The following TTL variants were observed in gnomAD, a reference collection of about 807,000 sequenced individuals.
The protein encoded by TTL is tubulin tyrosine ligase.
A neutral mutation model predicts 41.1 loss-of-function variants in TTL; 10 were observed. The ratio of observed to expected loss-of-function variants is 0.24; its 90% CI spans 0.15 to 0.41. The LOEUF is 0.41. Ranked by LOEUF, TTL falls within the 10% of genes least tolerant of loss-of-function variation. The pLI, the probability that TTL is intolerant of heterozygous loss-of-function variation, is 1.00. For missense variants in TTL, 367 were observed against 460.4 expected (o/e 0.80, Z 1.86); for synonymous variants, 175 against 175.5 (o/e 1.00, Z 0.02).
Position 112,482,327 on chromosome 2 carries a change from G to C in TTL, c.-18G>C. ...CCTGCGGCGGCTGCCCGGCGGCCCGGGCGCGCGGCGCTTCGCCATGTACAC... is the reference window on the plus strand; with the variant it reads ...CCTGCGGCGGCTGCCCGGCGGCCCGCGCGCGCGGCGCTTCGCCATGTACAC... On this transcript the variant is annotated 5_prime_UTR_variant, in exon 1 of 7. Coordinates refer to ENST00000233336, the MANE Select transcript of TTL (RefSeq NM_153712.5). The surrounding 1 kb of genome is among the most constrained non-coding windows in gnomAD (Gnocchi z 5.3). 1 of 1,488,630 alleles carries C rather than the reference G, an allele frequency of 6.7e-7. No homozygotes were observed. The highest frequency in any genetic ancestry group is 9.0e-7 in the Non-Finnish European group (1 of 1,114,680). The allele number at this position is 1,488,630 out of a possible 1,614,324, so 92.2% of individuals were successfully genotyped here. A position where few individuals can be genotyped will look rare whatever the true frequency, so the allele number is the denominator to read the frequency against.
rs1223571719 is a variant in TTL, at chr2:112,482,450, A to G, written c.106A>G (p.Arg36Gly). ...HWKRLRRDNP[R>G]FNLMLGERNR... ...GAAGAGGCTGCGGCGAGACAACCCC[A>G]GATTCAACCTGATGCTGGGAGAGAG... The change falls in exon 1 of 7, where the codon AGA becomes GGA. Residue 36 changes from arginine to glycine, a missense_variant. Coordinates refer to ENST00000233336, the MANE Select transcript of TTL (RefSeq NM_153712.5). The surrounding 1 kb of genome is among the most constrained non-coding windows in gnomAD (Gnocchi z 5.3). The G allele has an allele frequency of 6.2e-7, 1 of 1,611,216 alleles. No individual in the cohort carries two copies. Among genetic ancestry groups the G allele is most frequent in the South Asian group, 1.1e-5 (1 of 90,724 alleles).
intron 6 of TTL, chr2:112,521,463 C>A: frequency 1.6e-6 from 1 of 639,060 alleles, no homozygotes; most frequent in Non-Finnish European, 1.9e-6. Flanking sequence ...TTTCGTGGTT[C>A]CCATCTACAT....
Position 112,534,501 on chromosome 2 carries a change from T to G in TTL, c.*5706T>G, listed in dbSNP as rs1182952933. 1 of 152,696 alleles carries G rather than the reference T, an allele frequency of 6.5e-6. No individual in the cohort carries two copies. Among genetic ancestry groups the G allele is most frequent in the Non-Finnish European group, 1.5e-5 (1 of 68,030 alleles). 9.5% of individuals were successfully genotyped at this position (152,696 alleles called of 1,614,324 possible). A position where few individuals can be genotyped will look rare whatever the true frequency, so the allele number is the denominator to read the frequency against. ...GCCACCGTAGGGCTCAGAAGGGGATTGGAACTCCTCCAAAGCTTCATTACC... is the reference window on the plus strand; with the variant it reads ...GCCACCGTAGGGCTCAGAAGGGGATGGGAACTCCTCCAAAGCTTCATTACC... On this transcript the variant is annotated 3_prime_UTR_variant, in exon 7 of 7. Transcript: ENST00000233336.
chr2:112,513,615 A>G (rs1008579797), intron 5 of TTL, among the ~76,000 whole-genome samples: 6 of 149,390 alleles, frequency 4.0e-5, no homozygotes, highest in Non-Finnish European at 7.4e-5. Context: ...AAGTATAAGT[A>G]TAAATATTTA....
At chr2:112,493,635 A>C (rs534711415) in intron 2 of TTL, among the ~76,000 whole-genome samples, 19 of 152,274 alleles carry the variant, frequency 1.2e-4, no homozygotes, top group African/African-American at 4.6e-4. Context: ...CCGTTAGAAA[A>C]ATACCTTTTT....
chr2:112,529,968 A>G lies in TTL; in HGVS notation c.*1173A>G, dbSNP rs925759943. On this transcript the variant is annotated 3_prime_UTR_variant, in exon 7 of 7. Transcript: ENST00000233336. The stretch of plus-strand genomic sequence containing the variant: ...CGCTTACTGGATTAACTAATACTTT[A>G]TAGGCTTTTCAGGAGGCCACATCAC... 4.4e-6 allele frequency: 1 copy of G among 227,876 alleles called. No individual in the cohort carries two copies. The highest frequency in any genetic ancestry group is 2.2e-5 in the African/African-American group (1 of 45,172). The allele number at this position is 227,876 out of a possible 1,614,324, so 14.1% of individuals were successfully genotyped here. A position where few individuals can be genotyped will look rare whatever the true frequency, so the allele number is the denominator to read the frequency against.
At chr2:112,523,708 T>C (rs1682301498) in intron 6 of TTL, among the ~76,000 whole-genome samples, 1 of 152,192 alleles carries the variant, frequency 6.6e-6, no homozygotes. Context: ...AAGTATTTGC[T>C]GAGGGAATGC....
intron 3 of TTL, among the ~76,000 whole-genome samples, chr2:112,495,622 C>T (rs746608926): frequency 1.7e-4 from 26 of 152,236 alleles, no homozygotes; most frequent in Non-Finnish European, 3.2e-4. Flanking sequence ...CCGAGGCGGG[C>T]GGATCACAAG....
rs1682652091 is a variant in TTL at position 112,538,888 on chromosome 2, CG to C, written c.*10096del. The C allele has an allele frequency of 6.6e-6, 1 of 152,146 alleles. No homozygotes were observed. The highest frequency in any genetic ancestry group is 2.4e-5 in the African/African-American group (1 of 41,352). 9.4% of individuals were successfully genotyped at this position (152,146 alleles called of 1,614,324 possible). A position where few individuals can be genotyped will look rare whatever the true frequency, so the allele number is the denominator to read the frequency against. On this transcript the variant is annotated 3_prime_UTR_variant, in exon 7 of 7. Transcript: ENST00000233336. ...ATCCCAGCACTTTGGGAGGCCAAGGCGGGCGGATCATGAGGTCCGGAGATCA... is the reference window on the plus strand; with the variant it reads ...ATCCCAGCACTTTGGGAGGCCAAGGCGGCGGATCATGAGGTCCGGAGATCA...
intron 6 of TTL, among the ~76,000 whole-genome samples, chr2:112,528,301 AC>A (rs1682414728): frequency 6.6e-6 from 1 of 152,122 alleles, no homozygotes; most frequent in Non-Finnish European, 1.5e-5. Context: ...TTGGTAAAAA[AC>A]AAAAACAAGA....
chr2:112,530,493 CGA>C lies in TTL; in HGVS notation c.*1699_*1700del, dbSNP rs1682480484. 1 of 228,010 alleles carries C rather than the reference CGA, an allele frequency of 4.4e-6. No individual in the cohort carries two copies. The highest frequency in any genetic ancestry group is 8.7e-6 in the Non-Finnish European group (1 of 114,962). The allele number at this position is 228,010 out of a possible 1,614,324, so 14.1% of individuals were successfully genotyped here. A position where few individuals can be genotyped will look rare whatever the true frequency, so the allele number is the denominator to read the frequency against. ...ATTAATCCTTGAGGCCCAACGCAGC[CGA>C]TGGGTTGGTGTTTGGGAAATTCTGA... is the stretch of plus-strand genomic sequence containing the variant. On this transcript the variant is annotated 3_prime_UTR_variant, in exon 7 of 7. Coordinates refer to ENST00000233336, the MANE Select transcript of TTL (RefSeq NM_153712.5).
intron 1 of TTL, among the ~76,000 whole-genome samples, chr2:112,485,242 G>T (rs975745620): frequency 1.3e-5 from 2 of 152,172 alleles, no homozygotes; most frequent in African/African-American, 2.4e-5. Flanking sequence ...GAGCCACTGT[G>T]TCTGGCTGAA....
chr2:112,491,813 A>G (rs1446646686), intron 2 of TTL, among the ~76,000 whole-genome samples: 2 of 152,146 alleles, frequency 1.3e-5, no homozygotes, highest in African/African-American at 2.4e-5. Flanking sequence ...CTTTTACCAT[A>G]GCCTATTGCA....
chr2:112,527,051 T>TAA (rs767884335), intron 6 of TTL, among the ~76,000 whole-genome samples: 3 of 152,242 alleles, frequency 2.0e-5, no homozygotes, highest in Non-Finnish European at 2.9e-5. Context: ...ATGTACCCAG[T>TAA]AGTTATTCAG....
At chr2:112,521,042 C>T (rs1043166293) in intron 6 of TTL, among the ~76,000 whole-genome samples, 4 of 152,068 alleles carry the variant, frequency 2.6e-5, no homozygotes, top group East Asian at 1.9e-4. Context: ...TATGATGTGG[C>T]GACCCAGAAG....
intron 1 of TTL, 80 bp from the exon 2 acceptor site, chr2:112,485,837 A>G: frequency 7.8e-7 from 1 of 1,283,186 alleles, no homozygotes; most frequent in Non-Finnish European, 1.1e-6. Flanking sequence ...GAGAGAGAGA[A>G]AAGCTGGGCA....
chr2:112,497,233 C>T (rs1433115166), intron 3 of TTL, among the ~76,000 whole-genome samples: 2 of 152,078 alleles, frequency 1.3e-5, no homozygotes, highest in Admixed American at 6.6e-5. Flanking sequence ...CCAGGCTGTT[C>T]TTGAACTCCT....
In TTL at chr2:112,482,317, C is replaced by G; in HGVS notation, c.-28C>G. On this transcript the variant is annotated 5_prime_UTR_variant, in exon 1 of 7. Coordinates refer to ENST00000233336, the MANE Select transcript of TTL (RefSeq NM_153712.5). The surrounding 1 kb of genome is among the most constrained non-coding windows in gnomAD (Gnocchi z 5.3). ...CCGCCTGGTCCCTGCGGCGGCTGCC[C>G]GGCGGCCCGGGCGCGCGGCGCTTCG... 4.1e-6 allele frequency: 6 copies of G among 1,465,812 alleles called. No individual in the cohort carries two copies. The highest frequency in any genetic ancestry group is 1.3e-5 in the South Asian group (1 of 79,544). The allele number at this position is 1,465,812 out of a possible 1,614,324, so 90.8% of individuals were successfully genotyped here.
At position 112,521,762 on chromosome 2, in the gene TTL, C is replaced by G. The variant is rs143618949; in HGVS notation, c.1019+1337C>G. Reference sequence around the variant, plus strand: ...ACCTTTCGTGGGGAGAGACTGTGAGCAGACAGATACCAGGCAGATGTCAAT... The same window carrying G: ...ACCTTTCGTGGGGAGAGACTGTGAGGAGACAGATACCAGGCAGATGTCAAT... On this transcript the variant is annotated intron_variant, in intron 6 of 6. Coordinates refer to ENST00000233336, the MANE Select transcript of TTL (RefSeq NM_153712.5). 1.0e-3 allele frequency among the ~76,000 whole-genome samples: 157 copies of G among 152,290 alleles called. 1 individual carries two copies. The highest frequency in any genetic ancestry group is 3.7e-3 in the African/African-American group (155 of 41,552).
Sources: allele counts gnomAD v4.1 joint callset (sites outside exome capture counted in the v4.1 genomes callset), GRCh38; gene constraint gnomAD v4.1.1; non-coding constraint Gnocchi (gnomAD v3.1); transcripts MANE v1.5; gene names NCBI Gene and HGNC (gene_info 2026-07-23, HGNC 2026-07-21).